The following INTS6 variants were observed in gnomAD, a reference collection of about 807,000 sequenced individuals.
INTS6 encodes DEAD box protein.
A neutral mutation model predicts 104.9 loss-of-function variants in INTS6; 16 were observed. The observed-to-expected ratio is 0.15, with a 90% CI of 0.10 to 0.23. INTS6 has a LOEUF of 0.23. Among genes scored for constraint, INTS6 ranks in the 10% least tolerant of loss-of-function variants. INTS6 has a pLI of 1.00. For missense variants in INTS6, 584 were observed against 1,062.8 expected (o/e 0.55, Z 6.26); for synonymous variants, 324 against 358.7 (o/e 0.90, Z 1.09).
downstream of INTS6, among the ~76,000 whole-genome samples, chr13:51,353,923 C>G (rs529989349): frequency 6.6e-6 from 1 of 152,016 alleles, no homozygotes; most frequent in African/African-American, 2.4e-5. Context: ...TTTAAAGTAT[C>G]CTTCAACAGT....
At chr13:51,385,880 T>A (rs1394304743) in intron 7 of INTS6, among the ~76,000 whole-genome samples, 1 of 152,010 alleles carries the variant, frequency 6.6e-6, no homozygotes, top group African/African-American at 2.4e-5. Flanking sequence ...TCAACTCATC[T>A]CCCCTTCTAA....
At chr13:51,341,304 C>A in the INTS6 span, 366 of 1,612,302 alleles carry the variant, frequency 2.3e-4, 2 homozygotes, top group African/African-American at 4.0e-3. Flanking sequence ...CAGAAGGGAG[C>A]ACTGGTCAGC....
rs1955603107 is a variant in INTS6 at position 51,362,581 on chromosome 13, A to G, written c.*3171T>C. ...AGGAAGGAAAAGAGATTCTCAGTTAAGAGTTGTTGGCAAGTCTAAACAGTG... is the reference window on the plus strand; with the variant it reads ...AGGAAGGAAAAGAGATTCTCAGTTAGGAGTTGTTGGCAAGTCTAAACAGTG... On this transcript the variant is annotated 3_prime_UTR_variant, in exon 18 of 18. Transcript: ENST00000311234. 6.6e-6 allele frequency: 1 copy of G among 152,568 alleles called. No individual in the cohort carries two copies. Among genetic ancestry groups the G allele is most frequent in the Non-Finnish European group, 1.5e-5 (1 of 68,078 alleles). The allele number at this position is 152,568 out of a possible 1,614,324, so 9.5% of individuals were successfully genotyped here.
downstream of INTS6, among the ~76,000 whole-genome samples, chr13:51,352,489 G>GTTTT (rs1955414962): frequency 1.3e-5 from 2 of 150,958 alleles, no homozygotes; most frequent in Non-Finnish European, 3.0e-5. Flanking sequence ...TTGTGTGTGT[G>GTTTT]GATTCTTTAG....
intron 12 of INTS6, among the ~76,000 whole-genome samples, 181 bp from the exon 13 acceptor site, chr13:51,376,355 T>G (rs1955930943): frequency 6.6e-6 from 1 of 152,116 alleles, no homozygotes; most frequent in East Asian, 1.9e-4. Context: ...AGATGAAAAT[T>G]TGGTAGTGAG....
rs372587338 is a variant in INTS6, at chr13:51,436,099, G to T, written c.340-5716C>A. ...TATTCATCTTAAGACATTAACCCTT[G>T]TAAAACCTTTGACCACATAAAAAAG... On this transcript the variant is annotated intron_variant, in intron 3 of 17. Coordinates refer to ENST00000311234, the MANE Select transcript of INTS6 (RefSeq NM_012141.3). Among the ~76,000 whole-genome samples, 3 of 152,084 alleles carry T rather than the reference G, an allele frequency of 2.0e-5. No individual in the cohort carries two copies. In the East Asian group the frequency reaches 5.8e-4, roughly 29 times the overall value.
At chr13:51,345,410 T>C in the INTS6 span, among the ~76,000 whole-genome samples, 1 of 151,992 alleles carries the variant, frequency 6.6e-6, no homozygotes, top group Non-Finnish European at 1.5e-5. Context: ...CTGGCCAACA[T>C]GGTGAAACCC....
At chr13:51,423,960 C>T (rs1234659581) in intron 4 of INTS6, among the ~76,000 whole-genome samples, 1 of 151,954 alleles carries the variant, frequency 6.6e-6, no homozygotes, top group Non-Finnish European at 1.5e-5. Context: ...TTACCCAGAT[C>T]AACTGAAACA....
the INTS6 span, chr13:51,341,141 G>T: frequency 3.7e-6 from 6 of 1,613,924 alleles, no homozygotes; most frequent in South Asian, 6.6e-5. Flanking sequence ...TGCTGCCTCC[G>T]AGCAAATGGC....
chr13:51,379,307 T>C (rs2137905413), intron 11 of INTS6, among the ~76,000 whole-genome samples, 155 bp downstream of exon 11: 1 of 152,074 alleles, frequency 6.6e-6, no homozygotes, highest in East Asian at 1.9e-4. Context: ...ACCATGGATG[T>C]GAGACAGAAT....
Position 51,364,922 on chromosome 13 carries a change from T to A in INTS6, c.*830A>T, listed in dbSNP as rs888478272. On this transcript the variant is annotated 3_prime_UTR_variant, in exon 18 of 18. Coordinates refer to ENST00000311234, the MANE Select transcript of INTS6 (RefSeq NM_012141.3). ...AAAGGTGTTGAAGTAAGGAAACCAA[T>A]AATATCCAAAGTTGTTTGCTTTTTA... 6.6e-6 allele frequency: 1 copy of A among 152,390 alleles called. No homozygotes were observed. Among genetic ancestry groups the A allele is most frequent in the African/African-American group, 2.4e-5 (1 of 41,446 alleles). The allele number at this position is 152,390 out of a possible 1,614,324, so 9.4% of individuals were successfully genotyped here.
At chr13:51,347,218 G>T in the INTS6 span, 1 of 1,613,608 alleles carries the variant, frequency 6.2e-7, no homozygotes, top group African/African-American at 1.3e-5. Flanking sequence ...TGCACCAAAC[G>T]ACCGAGGTCA....
chr13:51,350,488 G>A (rs753237846), downstream of INTS6, among the ~76,000 whole-genome samples: 5 of 152,096 alleles, frequency 3.3e-5, no homozygotes, highest in Non-Finnish European at 7.4e-5. Flanking sequence ...CTGAGCATGA[G>A]CATGTTTTGA....
the INTS6 span, among the ~76,000 whole-genome samples, chr13:51,342,022 T>C: frequency 1.7e-4 from 26 of 152,242 alleles, no homozygotes; most frequent in African/African-American, 6.3e-4. Context: ...CATGAGTCTT[T>C]CGAATGCCAG....
chr13:51,450,484 G>C, intron 3 of INTS6: 1 of 985,344 alleles, frequency 1.0e-6, no homozygotes, highest in Non-Finnish European at 1.2e-6. Context: ...AGTTCTTCCT[G>C]CAATAGTTGT....
chr13:51,450,244 TATTTCCAGGGCA>T (rs1372446395), intron 3 of INTS6: 2 of 984,910 alleles, frequency 2.0e-6, no homozygotes, highest in African/African-American at 3.5e-5. Context: ...CAGTATCTTT[TATTTCCAGGGCA>T]ATAATATCAT....
At chr13:51,444,430 T>C (rs1042031416) in intron 3 of INTS6, 9 of 151,758 alleles carry the variant, frequency 5.9e-5, no homozygotes, top group African/African-American at 2.2e-4. Context: ...TATTTAAGAT[T>C]TGTTTTGAAC....
intron 4 of INTS6, among the ~76,000 whole-genome samples, chr13:51,396,050 G>A (rs553588782): frequency 6.6e-6 from 1 of 151,892 alleles, no homozygotes; most frequent in Non-Finnish European, 1.5e-5. Flanking sequence ...CACACGCCTC[G>A]GCCTCTCAAA....
chr13:51,338,490 C>G, the INTS6 span, among the ~76,000 whole-genome samples: 1 of 143,558 alleles, frequency 7.0e-6, no homozygotes, highest in Non-Finnish European at 1.5e-5. Flanking sequence ...TGGATGGATG[C>G]ACGGACAGAC....
Sources: gnomAD v4.1 joint callset for allele counts (sites outside exome capture counted in the v4.1 genomes callset) on GRCh38, gnomAD v4.1.1 for gene constraint, MANE v1.5 for transcripts, NCBI Gene and HGNC (gene_info 2026-07-23, HGNC 2026-07-21) for gene names.